Variants in PLEKHA6 observed in about 807,000 individuals in gnomAD.
The protein encoded by PLEKHA6 is pleckstrin homology domain containing A6, also known as pleckstrin homology domain-containing family A member 6.
PLEKHA6 carries 60 observed loss-of-function variants against 116.7 expected under a neutral mutation model. That is an observed-to-expected ratio of 0.51 (90% CI 0.42 to 0.64). The LOEUF is 0.64. Among genes scored for constraint, PLEKHA6 ranks in the 30% least tolerant of loss-of-function variants. The probability of loss-of-function intolerance (pLI) is 0.00; values close to 1 mark genes in which losing one functional copy is unlikely to be tolerated. For missense variants in PLEKHA6, 1,338 were observed against 1,422.7 expected, an observed-to-expected ratio of 0.94 and a Z score of 0.96; for synonymous variants, 489 against 556.1, an observed-to-expected ratio of 0.88 and a Z score of 1.70.
At chr1:204,331,388 G>GCAGCCCAGCA (rs1553279349) in intron 1 of PLEKHA6, among the ~76,000 whole-genome samples, 3 of 152,070 alleles carry the variant, frequency 2.0e-5, no homozygotes, top group Non-Finnish European at 4.4e-5. Context: ...AGTCCATGCT[G>GCAGCCCAGCA]CAGCCCAGCC....
At chr1:204,295,430 C>T (rs1348142366) in intron 1 of PLEKHA6, among the ~76,000 whole-genome samples, 1 of 149,296 alleles carries the variant, frequency 6.7e-6, no homozygotes, top group Non-Finnish European at 1.5e-5. Context: ...GCGGAGGTTG[C>T]AGTGAGCTGA....
chr1:204,365,117 A>G lies in PLEKHA6; in HGVS notation c.218+2682T>C, dbSNP rs528142273. On this transcript the variant is annotated intron_variant, in intron 3 of 4. Transcript: ENST00000564627. ...GAACCACAAGTGATTTGGCAGGGCT[A>G]GAGGAGAGGGCTAAAGAGCCAGGTG... Among the ~76,000 whole-genome samples, 3 of 152,104 alleles carry G rather than the reference A, an allele frequency of 2.0e-5. No homozygotes were observed. In the South Asian group the frequency reaches 6.2e-4, roughly 32 times the overall value.
chr1:204,362,792 C>T (rs1673584573), upstream of PLEKHA6, among the ~76,000 whole-genome samples: 1 of 152,236 alleles, frequency 6.6e-6, no homozygotes, highest in Non-Finnish European at 1.5e-5. Context: ...AGCAATCCTC[C>T]TGCCTCAGCC....
At position 204,261,816 on chromosome 1, in the gene PLEKHA6, G is replaced by A. The variant is rs1571948029; in HGVS notation, c.382-368C>T. On this transcript the variant is annotated intron_variant, in intron 6 of 22. Coordinates refer to ENST00000272203, the MANE Select transcript of PLEKHA6 (RefSeq NM_014935.5). This position sits in a 1 kb window ranked among gnomAD's most constrained non-coding sequence, Gnocchi z 4.0. ...AAAGGCAATGACCCCATGTCTGGGA[G>A]AGAGGACCCCCTGAGCACATGCCAA... 1 of 381,728 alleles carries A rather than the reference G, an allele frequency of 2.6e-6. No individual in the cohort carries two copies. Among genetic ancestry groups the A allele is most frequent in the South Asian group, 8.6e-5 (1 of 11,586 alleles). The allele number at this position is 381,728 out of a possible 1,614,324, so 23.6% of individuals were successfully genotyped here.
chr1:204,312,886 C>A (rs867177844), intron 1 of PLEKHA6, among the ~76,000 whole-genome samples: 1 of 143,066 alleles, frequency 7.0e-6, no homozygotes, highest in Non-Finnish European at 1.5e-5. Context: ...CTTTTCTTTT[C>A]TTTTTTTTCT....
intron 15 of PLEKHA6, among the ~76,000 whole-genome samples, chr1:204,242,387 G>A (rs1350479360): frequency 1.3e-5 from 2 of 152,200 alleles, no homozygotes; most frequent in Non-Finnish European, 2.9e-5. Context: ...TCCAGTTCTA[G>A]CCCAACTAGA....
intron 1 of PLEKHA6, among the ~76,000 whole-genome samples, chr1:204,304,978 G>A (rs1671153370): frequency 6.6e-6 from 1 of 152,138 alleles, no homozygotes; most frequent in Non-Finnish European, 1.5e-5. Context: ...TTAAATTTCT[G>A]TGAGCCCCTG....
At chr1:204,239,028 G>A (rs1662447316) in intron 17 of PLEKHA6, among the ~76,000 whole-genome samples, 1 of 152,220 alleles carries the variant, frequency 6.6e-6, no homozygotes, top group Admixed American at 6.5e-5. Flanking sequence ...AGAAATTTGG[G>A]GAAGAGGTAT....
chr1:204,326,906 G>A lies in PLEKHA6; in HGVS notation c.-95+32788C>T, dbSNP rs1672261445. The A allele has an allele frequency of 4.6e-5, 37 of 798,298 alleles. 2 individuals carry two copies. In the South Asian group the frequency reaches 1.9e-3, roughly 41 times the overall value. 49.5% of individuals were successfully genotyped at this position (798,298 alleles called of 1,614,324 possible). On this transcript the variant is annotated intron_variant, in intron 1 of 22. Coordinates refer to ENST00000272203, the MANE Select transcript of PLEKHA6 (RefSeq NM_014935.5). ...CCTTCCTATATGATCCAAATAGGGT[G>A]AGGAACTGCTCACTGCCCAAACCCT...
chr1:204,236,040 T>TA (rs1661999869), intron 17 of PLEKHA6, among the ~76,000 whole-genome samples: 1 of 152,122 alleles, frequency 6.6e-6, no homozygotes, highest in African/African-American at 2.4e-5. Flanking sequence ...CATGAGGAGG[T>TA]ATGCTACACT....
chr1:204,324,422 C>T (rs1399396575), intron 1 of PLEKHA6, among the ~76,000 whole-genome samples: 2 of 152,084 alleles, frequency 1.3e-5, no homozygotes, highest in South Asian at 2.1e-4. Context: ...GGATAGGATA[C>T]GAAGGGCAGG....
intron 1 of PLEKHA6, chr1:204,309,819 G>C (rs1671592862): frequency 2.7e-6 from 1 of 366,256 alleles, no homozygotes; most frequent in South Asian, 1.1e-4. Context: ...TTTATGTAAA[G>C]GGTTAGATAT....
Position 204,228,632 on chromosome 1 carries a change from C to G in PLEKHA6, c.2885+96G>C. 5.2e-6 allele frequency: 6 copies of G among 1,148,634 alleles called. No homozygotes were observed. The highest frequency in any genetic ancestry group is 3.9e-6 in the Non-Finnish European group (3 of 767,624). The allele number at this position is 1,148,634 out of a possible 1,614,324, so 71.2% of individuals were successfully genotyped here. A position where few individuals can be genotyped will look rare whatever the true frequency, so the allele number is the denominator to read the frequency against. On this transcript the variant is annotated intron_variant, in intron 20 of 22. Transcript: ENST00000272203. This position sits in a 1 kb window ranked among gnomAD's most constrained non-coding sequence, Gnocchi z 4.0. Reference sequence around the variant, plus strand: ...AGTCACCACCTCGATGTGCTCTCCCCTGGGGAGGCTCTGTGCCCCCAACGA... The same window carrying G: ...AGTCACCACCTCGATGTGCTCTCCCGTGGGGAGGCTCTGTGCCCCCAACGA...
At chr1:204,351,978 G>T (rs1673294787) in intron 1 of PLEKHA6, among the ~76,000 whole-genome samples, 1 of 152,184 alleles carries the variant, frequency 6.6e-6, no homozygotes, top group Admixed American at 6.5e-5. Context: ...GGAGGCTGAG[G>T]CAAGAGAATC....
Position 204,366,981 on chromosome 1 carries a change from G to C in PLEKHA6, c.218+818C>G, listed in dbSNP as rs565025859. ...TCCCTCTGGTGGTGCCATTGCCCCA[G>C]GAGGCTGGGCAGAGGCGCTTCACCA... is the stretch of plus-strand genomic sequence containing the variant. On this transcript the variant is annotated intron_variant, in intron 3 of 4. Transcript: ENST00000564627. 1.2e-4 allele frequency among the ~76,000 whole-genome samples: 18 copies of C among 152,340 alleles called. No homozygotes were observed. In the South Asian group the frequency reaches 2.7e-3, roughly 23 times the overall value.
At chr1:204,291,463 C>T (rs966607764) in intron 1 of PLEKHA6, among the ~76,000 whole-genome samples, 7 of 152,188 alleles carry the variant, frequency 4.6e-5, no homozygotes, top group South Asian at 2.1e-4. Context: ...GTCCACACAA[C>T]GACTTGTAGA....
At chr1:204,340,783 T>C (rs957391825) in intron 1 of PLEKHA6, among the ~76,000 whole-genome samples, 2 of 152,086 alleles carry the variant, frequency 1.3e-5, no homozygotes, top group African/African-American at 4.8e-5. Context: ...TCCAGAGTTA[T>C]GGGAGGAAAG....
rs180930098 is a variant in PLEKHA6, at chr1:204,376,810, G to A, written c.83+773C>T. Among the ~76,000 whole-genome samples the A allele has an allele frequency of 7.2e-5, 11 of 152,296 alleles. No homozygotes were observed. The East Asian group carries it at 2.1e-3, about 29-fold the overall frequency. On this transcript the variant is annotated intron_variant, in intron 1 of 4. Coordinates refer to the PLEKHA6 transcript ENST00000564627. The stretch of plus-strand genomic sequence containing the variant: ...GGAAGGAAAAGCTCGTCAAGTGTGG[G>A]TAACAGTCCAAGACGCTGTGCTTCT...
At position 204,245,641 on chromosome 1, in the gene PLEKHA6, C is replaced by A. The variant is rs374244431; in HGVS notation, c.2006G>T (p.Arg669Leu). ...MEGLRKNNPSRGTDTAKHRGG... is the reference protein window; with the variant it reads ...MEGLRKNNPSLGTDTAKHRGG... Reference sequence around the variant, plus strand: ...TCTGTGCTTGGCGGTGTCCGTGCCCCGGGAGGGGTTGTTCTTCCTCAGCCC... The same window carrying A: ...TCTGTGCTTGGCGGTGTCCGTGCCCAGGGAGGGGTTGTTCTTCCTCAGCCC... The change falls in exon 14 of 23, where the codon CGG becomes CTG. Residue 669 changes from arginine to leucine, a missense_variant. Transcript: ENST00000272203. 1 of 1,612,590 alleles carries A rather than the reference C, an allele frequency of 6.2e-7. No homozygotes were observed.
Sources: gnomAD v4.1 joint callset for allele counts (sites outside exome capture counted in the v4.1 genomes callset) on GRCh38, gnomAD v4.1.1 for gene constraint, Gnocchi (gnomAD v3.1) non-coding constraint, MANE v1.5 for transcripts, NCBI Gene and HGNC (gene_info 2026-07-23, HGNC 2026-07-21) for gene names.